The following DENND4A variants were observed in gnomAD, a reference collection of about 807,000 sequenced individuals.
DENND4A encodes C-myc promoter-binding protein.
A neutral mutation model predicts 199.3 loss-of-function variants in DENND4A; 70 were observed. That is an observed-to-expected ratio of 0.35 (90% CI 0.29 to 0.43). DENND4A has a LOEUF of 0.43. Among genes scored for constraint, DENND4A ranks in the 20% least tolerant of loss-of-function variants. DENND4A has a pLI of 1.00. For synonymous variants in DENND4A, 686 were observed against 766.9 expected (o/e 0.89, Z 1.74); for missense variants, 1,723 against 2,255.8 (o/e 0.76, Z 4.78).
At position 65,755,679 on chromosome 15, in the gene DENND4A, T is replaced by C. The variant is rs139862547; in HGVS notation, c.311+461A>G. ...TACTCAAGAGGCTGGGGCAGGAGGATTACTTGAGGCCAGGAGTTTGAGGCT... is the reference window on the plus strand; with the variant it reads ...TACTCAAGAGGCTGGGGCAGGAGGACTACTTGAGGCCAGGAGTTTGAGGCT... On this transcript the variant is annotated intron_variant, in intron 3 of 32. Coordinates refer to ENST00000443035, the MANE Select transcript of DENND4A (RefSeq NM_001320835.1). 1.8e-3 allele frequency among the ~76,000 whole-genome samples: 275 copies of C among 152,176 alleles called. 1 individual carries two copies. Among genetic ancestry groups the C allele is most frequent in the African/African-American group, 6.3e-3 (262 of 41,528 alleles).
At chr15:65,742,764 C>T (rs2076293697) in intron 4 of DENND4A, among the ~76,000 whole-genome samples, 1 of 152,082 alleles carries the variant, frequency 6.6e-6, no homozygotes, top group African/African-American at 2.4e-5. Flanking sequence ...GATTATTTAT[C>T]ATTACATGCT....
rs1304333908 is a variant in DENND4A, at chr15:65,706,114, A to G, written c.2064T>C (p.Gly688=). The G allele has an allele frequency of 6.2e-7, 1 of 1,602,072 alleles. No homozygotes were observed. The highest frequency in any genetic ancestry group is 2.3e-5 in the East Asian group (1 of 43,906). ...TPPEIPHLPN[G]EEPPLQYSYN... ...ACCTGTACTGTAAAGGGGGTTCTTC[A>G]CCATTGGGTAGGTGGGGGATCTCAG... Residue 688 remains glycine (G), a synonymous_variant, in exon 15 of 33, where the codon GGT becomes GGC. Transcript: ENST00000443035.
At chr15:65,719,023 G>T (rs529788680) in intron 12 of DENND4A, among the ~76,000 whole-genome samples, 4 of 151,380 alleles carry the variant, frequency 2.6e-5, no homozygotes, top group Non-Finnish European at 2.9e-5. Context: ...CAGGTGATCC[G>T]CCTACCTTGG....
Position 65,771,114 on chromosome 15 carries a change from AAACTT to A in DENND4A, c.-101-9681_-101-9677del, listed in dbSNP as rs553244388. ...TCCCTTCATCTCTCATGATGAAACT[AAACTT>A]ACTTACAGAAAAAATAAAGAGTACG... On this transcript the variant is annotated intron_variant, in intron 1 of 32. Coordinates refer to ENST00000443035, the MANE Select transcript of DENND4A (RefSeq NM_001320835.1). 3.4e-4 allele frequency: 496 copies of A among 1,461,928 alleles called. 8 individuals are homozygous for A. In the South Asian group the frequency reaches 6.4e-3, roughly 19 times the overall value. 90.6% of individuals were successfully genotyped at this position (1,461,928 alleles called of 1,614,324 possible). A position where few individuals can be genotyped will look rare whatever the true frequency, so the allele number is the denominator to read the frequency against.
At chr15:65,692,149 C>T (rs1006892552) in intron 22 of DENND4A, among the ~76,000 whole-genome samples, 2 of 151,634 alleles carry the variant, frequency 1.3e-5, no homozygotes, top group Non-Finnish European at 2.9e-5. Context: ...GAAAAAACAT[C>T]CAAAACATGA....
intron 1 of DENND4A, among the ~76,000 whole-genome samples, 187 bp from the exon 2 acceptor site, chr15:65,761,625 A>G (rs1243496901): frequency 6.6e-6 from 1 of 152,182 alleles, no homozygotes; most frequent in Admixed American, 6.5e-5. Context: ...GAATAAATAC[A>G]TACTTTAAAA....
intron 1 of DENND4A, among the ~76,000 whole-genome samples, chr15:65,778,275 T>A (rs2077334869): frequency 6.6e-6 from 1 of 152,132 alleles, no homozygotes; most frequent in African/African-American, 2.4e-5. Context: ...TATCAGTTAC[T>A]ACAATTTTGA....
chr15:65,696,236 C>T, intron 22 of DENND4A, 130 bp downstream of exon 22: 1 of 1,141,484 alleles, frequency 8.8e-7, no homozygotes, highest in Admixed American at 2.9e-5. Context: ...CTAAGCTATG[C>T]CATGAGAGGC....
chr15:65,769,750 C>T (rs887489855), intron 1 of DENND4A, among the ~76,000 whole-genome samples: 3 of 151,838 alleles, frequency 2.0e-5, no homozygotes, highest in Admixed American at 2.0e-4. Context: ...TAACTACATT[C>T]AGAAAAAAAT....
chr15:65,700,709 C>A, intron 19 of DENND4A, 34 bp from the exon 20 acceptor site: 1 of 1,502,570 alleles, frequency 6.7e-7, no homozygotes, highest in Non-Finnish European at 8.9e-7. Context: ...TTTTACTACT[C>A]GAAGAGGTAA....
rs919359906 is a variant in DENND4A, at chr15:65,772,075, T to A, written c.-101-10637A>T. 3 of 1,195,894 alleles carry A rather than the reference T, an allele frequency of 2.5e-6. No individual in the cohort carries two copies. In the African/African-American group the frequency reaches 4.5e-5, roughly 18 times the overall value. The allele number at this position is 1,195,894 out of a possible 1,614,324, so 74.1% of individuals were successfully genotyped here. A position where few individuals can be genotyped will look rare whatever the true frequency, so the allele number is the denominator to read the frequency against. ...AGGAAACGCTGGGCCTTCTCGCGGT[T>A]GCCAGCATTCAGAGCCTCCTGGACG... On this transcript the variant is annotated intron_variant, in intron 1 of 32. Coordinates refer to ENST00000443035, the MANE Select transcript of DENND4A (RefSeq NM_001320835.1).
At chr15:65,696,812 CT>C (rs930967017) in intron 21 of DENND4A, 2,757 of 249,698 alleles carry the variant, frequency 0.011, 1 homozygote, top group South Asian at 0.021. Context: ...ATTAAACAAA[CT>C]TTTTTTTTTT....
intron 25 of DENND4A, among the ~76,000 whole-genome samples, chr15:65,671,346 G>A (rs8027378): frequency 0.036 from 5,467 of 152,220 alleles, 335 homozygotes; most frequent in African/African-American, 0.13. Flanking sequence ...TTACTCAGAT[G>A]CAATTCACAT....
At chr15:65,723,792 C>G (rs1002500743) in intron 11 of DENND4A, among the ~76,000 whole-genome samples, 1 of 152,144 alleles carries the variant, frequency 6.6e-6, no homozygotes, top group Non-Finnish European at 1.5e-5. Flanking sequence ...CGTGGGCTCT[C>G]TCTCTCAAAA....
At position 65,756,090 on chromosome 15, in the gene DENND4A, A is replaced by G. The variant is rs749586562; in HGVS notation, c.311+50T>C. On this transcript the variant is annotated intron_variant, in intron 3 of 32. Coordinates refer to ENST00000443035, the MANE Select transcript of DENND4A (RefSeq NM_001320835.1). Reference sequence around the variant, plus strand: ...TGAACAGTTAATCTCCAAATCTACAAGGCATATTATTTGGATCAATAACAG... The same window carrying G: ...TGAACAGTTAATCTCCAAATCTACAGGGCATATTATTTGGATCAATAACAG... The G allele has an allele frequency of 3.5e-6, 5 of 1,432,108 alleles. No individual in the cohort carries two copies. The South Asian group carries it at 6.9e-5, about 20-fold the overall frequency. The allele number at this position is 1,432,108 out of a possible 1,614,324, so 88.7% of individuals were successfully genotyped here.
intron 2 of DENND4A, among the ~76,000 whole-genome samples, chr15:65,760,889 CA>C (rs902481974): frequency 6.7e-6 from 1 of 148,362 alleles, no homozygotes; most frequent in Non-Finnish European, 1.5e-5. Flanking sequence ...GGCTCTGTCT[CA>C]AAAAAAAAGC....
intron 22 of DENND4A, among the ~76,000 whole-genome samples, chr15:65,693,126 G>C (rs1232034171): frequency 2.0e-5 from 3 of 152,128 alleles, no homozygotes; most frequent in Non-Finnish European, 4.4e-5. Context: ...ACACATGCTA[G>C]GCTGGATGCT....
chr15:65,710,375 T>C (rs927449921), intron 14 of DENND4A, among the ~76,000 whole-genome samples: 1 of 152,198 alleles, frequency 6.6e-6, no homozygotes. Context: ...ATTTATTGGC[T>C]AAAGCATGCT....
chr15:65,738,838 T>C lies in DENND4A; in HGVS notation c.669A>G (p.Ser223=). The C allele has an allele frequency of 6.2e-7, 1 of 1,607,734 alleles. No individual in the cohort carries two copies. The change falls in exon 6 of 33, where the codon TCA becomes TCG. Residue 223 remains serine (S), a synonymous_variant. Transcript: ENST00000443035. The part of the protein sequence containing the change: ...ICRYPQEDYE[S]FSLPESVPLF... ...GAGGAACAGATTCCGGTAGTGAGAA[T>C]GACTCATAATCTTCTTGAGGATATC...
Sources: gnomAD v4.1 joint callset for allele counts (sites outside exome capture counted in the v4.1 genomes callset) on GRCh38, gnomAD v4.1.1 for gene constraint, MANE v1.5 for transcripts, NCBI Gene and HGNC (gene_info 2026-07-23, HGNC 2026-07-21) for gene names.